WWOX: variants seen among roughly 807,000 people sequenced by gnomAD.
WWOX encodes the protein WW domain-containing oxidoreductase.
Under a neutral mutation model 46.2 loss-of-function variants are expected in WWOX, and 69 were observed. That is an observed-to-expected ratio of 1.49 (90% CI 1.23 to 1.82). The LOEUF is 1.82. Among genes scored for constraint, WWOX ranks in the 40% most tolerant of loss-of-function variants. The pLI is 0.00. For missense variants in WWOX, 919 were observed against 542.6 expected (o/e 1.69, Z -6.89); for synonymous variants, 359 against 202.6 (o/e 1.77, Z -6.56).
At chr16:78,712,360 G>A (rs1437237341) in intron 8 of WWOX, among the ~76,000 whole-genome samples, 1 of 152,036 alleles carries the variant, frequency 6.6e-6, no homozygotes, top group African/African-American at 2.4e-5. Flanking sequence ...AAATTAGCTG[G>A]GCATAGTGTT....
intron 8 of WWOX, chr16:78,691,149 C>G (rs2047978125): frequency 4.5e-6 from 3 of 670,848 alleles, no homozygotes; most frequent in Non-Finnish European, 5.4e-6. Flanking sequence ...AAAGCAAAAG[C>G]ACAGTATTTC....
At chr16:79,124,696 T>C (rs1050023963) in intron 8 of WWOX, among the ~76,000 whole-genome samples, 1 of 152,230 alleles carries the variant, frequency 6.6e-6, no homozygotes, top group African/African-American at 2.4e-5. Context: ...GGGCTTATAT[T>C]GTTTAGTGGA....
chr16:78,880,060 T>C (rs758465457), intron 8 of WWOX, among the ~76,000 whole-genome samples: 1 of 152,158 alleles, frequency 6.6e-6, no homozygotes, highest in African/African-American at 2.4e-5. Flanking sequence ...AACAGAGACA[T>C]GATACGAGTT....
intron 8 of WWOX, among the ~76,000 whole-genome samples, chr16:78,964,878 A>G (rs1283984738): frequency 2.6e-5 from 4 of 152,212 alleles, no homozygotes; most frequent in East Asian, 1.9e-4. Flanking sequence ...AAAGGGGCCA[A>G]GGTATAGCTC....
At chr16:78,963,482 A>C (rs2046309935) in intron 8 of WWOX, among the ~76,000 whole-genome samples, 1 of 152,140 alleles carries the variant, frequency 6.6e-6, no homozygotes, top group Non-Finnish European at 1.5e-5. Context: ...ACAAAAACAA[A>C]TAAACAAACA....
At chr16:79,069,255 C>G (rs1366190316) in intron 8 of WWOX, among the ~76,000 whole-genome samples, 1 of 152,190 alleles carries the variant, frequency 6.6e-6, no homozygotes, top group Admixed American at 6.5e-5. Flanking sequence ...ACGATTAATG[C>G]TGTTTAGAGT....
At chr16:79,049,620 G>A (rs1378612820) in intron 8 of WWOX, among the ~76,000 whole-genome samples, 2 of 152,020 alleles carry the variant, frequency 1.3e-5, no homozygotes, top group Non-Finnish European at 2.9e-5. Flanking sequence ...GGTGGATCAC[G>A]AGGTCAGGAG....
At chr16:79,034,927 C>T (rs981520294) in intron 8 of WWOX, among the ~76,000 whole-genome samples, 1 of 152,050 alleles carries the variant, frequency 6.6e-6, no homozygotes, top group Non-Finnish European at 1.5e-5. Flanking sequence ...TGCAAATGAT[C>T]TTCTAGTAGG....
At chr16:78,542,261 T>A (rs560276899) in intron 8 of WWOX, among the ~76,000 whole-genome samples, 1 of 152,150 alleles carries the variant, frequency 6.6e-6, no homozygotes, top group South Asian at 2.1e-4. Flanking sequence ...CTGGTGCCAT[T>A]TTCCTGACTG....
At chr16:78,593,020 A>C (rs2045387717) in intron 8 of WWOX, among the ~76,000 whole-genome samples, 1 of 152,166 alleles carries the variant, frequency 6.6e-6, no homozygotes, top group Non-Finnish European at 1.5e-5. Context: ...GAGGCTGGAA[A>C]GTACAGCCTT....
chr16:78,314,706 T>TG lies in WWOX; in HGVS notation c.517-72154_517-72153insG, dbSNP rs1567494520. 6.0e-3 allele frequency among the ~76,000 whole-genome samples: 466 copies of TG among 78,078 alleles called. 9 individuals are homozygous for TG. The highest frequency in any genetic ancestry group is 0.028 in the African/African-American group (453 of 16,368). 51.2% of individuals were successfully genotyped at this position (78,078 alleles called of 152,430 possible). A position where few individuals can be genotyped will look rare whatever the true frequency, so the allele number is the denominator to read the frequency against. On this transcript the variant is annotated intron_variant, in intron 5 of 8. Transcript: ENST00000566780. ...TGCAGGGGTTTTTTTTTTTTGTTTT[T>TG]TTTTTTTTTTTTTTTCTGTATTTTC...
intron 8 of WWOX, among the ~76,000 whole-genome samples, chr16:78,665,379 TGAA>T (rs2047306789): frequency 6.6e-6 from 1 of 152,116 alleles, no homozygotes; most frequent in Non-Finnish European, 1.5e-5. Flanking sequence ...ATTAAATAAT[TGAA>T]TTATTATTAT....
chr16:78,898,426 C>T (rs1184799023), intron 8 of WWOX: 1 of 152,110 alleles, frequency 6.6e-6, no homozygotes, highest in Non-Finnish European at 1.5e-5. Context: ...ATTTCCTTGG[C>T]ATCTTTGTCA....
intron 4 of WWOX, among the ~76,000 whole-genome samples, chr16:78,155,337 C>G (rs934279117): frequency 6.6e-6 from 1 of 152,188 alleles, no homozygotes; most frequent in South Asian, 2.1e-4. Flanking sequence ...GTGGGCTTGA[C>G]TTGTCCTCTG....
intron 8 of WWOX, among the ~76,000 whole-genome samples, chr16:78,820,787 G>T (rs1033262455): frequency 6.6e-6 from 1 of 152,126 alleles, no homozygotes; most frequent in Admixed American, 6.5e-5. Context: ...GGCGTTTGTG[G>T]GGTTCGTTCC....
chr16:78,220,742 G>T (rs1396104429), intron 5 of WWOX, among the ~76,000 whole-genome samples: 1 of 152,174 alleles, frequency 6.6e-6, no homozygotes, highest in African/African-American at 2.4e-5. Flanking sequence ...AGAATGAAAG[G>T]ACCAGAATGG....
At position 78,258,671 on chromosome 16, in the gene WWOX, G is replaced by C. The variant is rs147612927; in HGVS notation, c.516+94382G>C. On this transcript the variant is annotated intron_variant, in intron 5 of 8. Transcript: ENST00000566780. ...GAAGAAAATGTACTTTTATGTGTTC[G>C]TTCGACAGTTAAAGAGTATTCCAGA... is the stretch of plus-strand genomic sequence containing the variant. 4.8e-4 allele frequency among the ~76,000 whole-genome samples: 58 copies of C among 120,646 alleles called. 1 individual carries two copies. The highest frequency in any genetic ancestry group is 4.7e-3 in the Admixed American group (42 of 9,028). 79.1% of individuals were successfully genotyped at this position (120,646 alleles called of 152,430 possible).
chr16:79,139,195 G>C (rs577263024), intron 8 of WWOX, among the ~76,000 whole-genome samples: 1 of 152,138 alleles, frequency 6.6e-6, no homozygotes, highest in African/African-American at 2.4e-5. Flanking sequence ...ATATTTCAGC[G>C]TGCCTCCTAA....
chr16:79,129,633 T>A (rs937983091), intron 8 of WWOX, among the ~76,000 whole-genome samples: 1 of 152,152 alleles, frequency 6.6e-6, no homozygotes, highest in African/African-American at 2.4e-5. Context: ...AATTCTCAAA[T>A]GAAATTCATT....
Sources: allele counts gnomAD v4.1 joint callset (sites outside exome capture counted in the v4.1 genomes callset), GRCh38; gene constraint gnomAD v4.1.1; transcripts MANE v1.5; gene names NCBI Gene and HGNC (gene_info 2026-07-23, HGNC 2026-07-21).